MTMR8: variants seen among roughly 807,000 people sequenced by gnomAD.
The protein encoded by MTMR8 is phosphatidylinositol-3,5-bisphosphate 3-phosphatase MTMR8.
In MTMR8, 65 loss-of-function variants were observed where a neutral mutation model predicts 39.3. That is an observed-to-expected ratio of 1.65 (90% CI 1.35 to 2.03). MTMR8 has a LOEUF of 2.03. Among genes scored for constraint, MTMR8 ranks in the 30% most tolerant of loss-of-function variants. MTMR8 has a pLI of 0.00. For synonymous variants in MTMR8, 245 were observed against 185.2 expected, an observed-to-expected ratio of 1.32 and a Z score of -2.62; for missense variants, 777 against 538.9, an observed-to-expected ratio of 1.44 and a Z score of -4.37.
chrX:64,299,105 G>T (rs1429183676), intron 12 of MTMR8, among the ~76,000 whole-genome samples: 1 of 73,298 alleles, frequency 1.4e-5, no homozygotes, highest in African/African-American at 6.3e-5. Flanking sequence ...AAATGAGTTA[G>T]GGAGGATTCC....
Position 64,285,669 on chromosome X carries a change from A to T in MTMR8, c.1482-14596T>A, listed in dbSNP as rs1238358641. 2.7e-5 allele frequency among the ~76,000 whole-genome samples: 3 copies of T among 112,064 alleles called. No individual in the cohort carries two copies. The South Asian group carries it at 1.1e-3, about 42-fold the overall frequency. On this transcript the variant is annotated intron_variant, in intron 12 of 13. Coordinates refer to ENST00000374852, the MANE Select transcript of MTMR8 (RefSeq NM_017677.4). ...TCAAACTAGAACTCAGGATTAAGAAACTTACTCAAAACTGCTCAACTACAT... is the reference window on the plus strand; with the variant it reads ...TCAAACTAGAACTCAGGATTAAGAATCTTACTCAAAACTGCTCAACTACAT...
chrX:64,376,775 G>T (rs975228717), intron 1 of MTMR8, among the ~76,000 whole-genome samples: 1 of 112,432 alleles, frequency 8.9e-6, no homozygotes, highest in Non-Finnish European at 1.9e-5. Flanking sequence ...GGAAGAGCCA[G>T]ATGTTAATAG....
chrX:64,314,726 G>C (rs547815724), intron 12 of MTMR8, among the ~76,000 whole-genome samples: 1 of 112,493 alleles, frequency 8.9e-6, no homozygotes, highest in African/African-American at 3.2e-5. Context: ...ACACATGTGC[G>C]GTCAAGGCAA....
At chrX:64,301,396 C>G (rs1208742529) in intron 12 of MTMR8, among the ~76,000 whole-genome samples, 1 of 105,181 alleles carries the variant, frequency 9.5e-6, no homozygotes, top group Non-Finnish European at 2.0e-5. Context: ...GCATTCTTCA[C>G]GTAGTTCTCG....
At chrX:64,378,962 C>G (rs768897398) in intron 1 of MTMR8, among the ~76,000 whole-genome samples, 1 of 111,629 alleles carries the variant, frequency 9.0e-6, no homozygotes, top group East Asian at 2.8e-4. Flanking sequence ...CACTACTGAT[C>G]CCATGTACAT....
chrX:64,278,512 C>T (rs1300126957), intron 12 of MTMR8, among the ~76,000 whole-genome samples: 6 of 71,241 alleles, frequency 8.4e-5, no homozygotes, highest in Non-Finnish European at 1.2e-4. Flanking sequence ...CTCACTTTGT[C>T]CTCCAGGCTG....
intron 12 of MTMR8, among the ~76,000 whole-genome samples, chrX:64,287,087 C>A (rs1026672817): frequency 2.7e-5 from 3 of 111,850 alleles, no homozygotes; most frequent in African/African-American, 9.8e-5. Flanking sequence ...CCAAAATCTC[C>A]TTAAGCTGAT....
chrX:64,272,358 G>A (rs1931779216), intron 12 of MTMR8, among the ~76,000 whole-genome samples: 1 of 111,525 alleles, frequency 9.0e-6, no homozygotes, highest in Admixed American at 9.6e-5. Flanking sequence ...ACAGGCAGAT[G>A]TCTTAAAGCT....
intron 12 of MTMR8, among the ~76,000 whole-genome samples, chrX:64,288,889 G>A (rs946450999): frequency 9.1e-6 from 1 of 109,680 alleles, no homozygotes; most frequent in Admixed American, 9.8e-5. Flanking sequence ...CAGGTGGGAG[G>A]GATAGCATTA....
chrX:64,314,792 G>A (rs763456853), intron 12 of MTMR8, among the ~76,000 whole-genome samples: 1 of 112,194 alleles, frequency 8.9e-6, no homozygotes, highest in Admixed American at 9.4e-5. Context: ...CGAGTGGGTG[G>A]GATGGTACGT....
intron 12 of MTMR8, among the ~76,000 whole-genome samples, chrX:64,296,162 T>C (rs1187751145): frequency 1.3e-4 from 15 of 111,934 alleles, no homozygotes; most frequent in African/African-American, 4.5e-4. Flanking sequence ...GCAACATGGA[T>C]GGACCCTGAA....
At chrX:64,381,446 G>GT (rs150707143) in intron 1 of MTMR8, among the ~76,000 whole-genome samples, 1,025 of 91,715 alleles carry the variant, frequency 0.011, 9 homozygotes, top group Admixed American at 0.014. Context: ...CGATGGGGTT[G>GT]TTTTTTTTTT....
chrX:64,323,851 A>C (rs1237637846), intron 12 of MTMR8, among the ~76,000 whole-genome samples: 1 of 112,450 alleles, frequency 8.9e-6, no homozygotes, highest in East Asian at 2.8e-4. Context: ...GAAGTCTAAA[A>C]ATTTCTTGAG....
intron 12 of MTMR8, among the ~76,000 whole-genome samples, chrX:64,286,397 G>C (rs1025647299): frequency 1.8e-5 from 2 of 112,077 alleles, no homozygotes; most frequent in Non-Finnish European, 3.8e-5. Flanking sequence ...GGAGGAGCTG[G>C]TACCATTCCT....
At chrX:64,356,485 C>A in intron 2 of MTMR8, 147 bp from the exon 3 acceptor site, 1 of 497,660 alleles carries the variant, frequency 2.0e-6, no homozygotes, top group Non-Finnish European at 3.3e-6. Context: ...TAAGACACAA[C>A]TGGGGTTCTC....
chrX:64,394,757 T>C (rs1924777289), intron 1 of MTMR8, among the ~76,000 whole-genome samples: 1 of 112,161 alleles, frequency 8.9e-6, no homozygotes, highest in African/African-American at 3.2e-5. Flanking sequence ...CAGAGCCAGA[T>C]CCACTCTGCC....
intron 12 of MTMR8, among the ~76,000 whole-genome samples, chrX:64,314,714 G>A (rs921736697): frequency 1.8e-5 from 2 of 112,569 alleles, no homozygotes; most frequent in Non-Finnish European, 1.9e-5. Context: ...TTGGCCCCAC[G>A]TACACATGTG....
intron 12 of MTMR8, among the ~76,000 whole-genome samples, chrX:64,307,518 C>T (rs1034624094): frequency 1.8e-5 from 2 of 111,326 alleles, no homozygotes; most frequent in Admixed American, 9.6e-5. Flanking sequence ...CTGTGCAGGT[C>T]GGCTTTTGGG....
intron 1 of MTMR8, among the ~76,000 whole-genome samples, chrX:64,373,396 G>A (rs1434219848): frequency 9.0e-6 from 1 of 111,229 alleles, no homozygotes; most frequent in Non-Finnish European, 1.9e-5. Context: ...TTAAAAGTGT[G>A]TAGCACATCC....
Sources: gnomAD v4.1 joint callset for allele counts (sites outside exome capture counted in the v4.1 genomes callset) on GRCh38, gnomAD v4.1.1 for gene constraint, MANE v1.5 for transcripts, NCBI Gene and HGNC (gene_info 2026-07-23, HGNC 2026-07-21) for gene names.